VPS13B: variants seen among roughly 807,000 people sequenced by gnomAD.
The protein encoded by VPS13B is vacuolar protein sorting 13 homolog B, also known as intermembrane lipid transfer protein VPS13B.
In VPS13B, 285 loss-of-function variants were observed where a neutral mutation model predicts 426.4. That is an observed-to-expected ratio of 0.67 (90% CI 0.61 to 0.74). The LOEUF is 0.74. Ranked by LOEUF, VPS13B falls within the 30% of genes least tolerant of loss-of-function variation. VPS13B has a pLI of 0.00. For missense variants in VPS13B, 4,537 were observed against 4,782.6 expected (o/e 0.95, Z 1.51); for synonymous variants, 1,676 against 1,676.4 (o/e 1.00, Z 0.01).
At chr8:99,807,677 TTGTGTGTGTG>T (rs144674961) in intron 43 of VPS13B, among the ~76,000 whole-genome samples, 8 of 146,190 alleles carry the variant, frequency 5.5e-5, no homozygotes, top group Admixed American at 2.7e-4. Flanking sequence ...CAGGGTGTGT[TTGTGTGTGTG>T]TGTGTGTGTG....
intron 44 of VPS13B, among the ~76,000 whole-genome samples, chr8:99,816,015 A>G (rs1295649378): frequency 2.6e-5 from 4 of 151,832 alleles, no homozygotes; most frequent in Admixed American, 1.3e-4. Flanking sequence ...AATTTTTTGT[A>G]TAGATGGGAT....
At chr8:99,182,072 A>C (rs571354842) in intron 16 of VPS13B, among the ~76,000 whole-genome samples, 2 of 152,352 alleles carry the variant, frequency 1.3e-5, no homozygotes, top group East Asian at 3.9e-4. Flanking sequence ...AACCACGTTG[A>C]GAATGATCAT....
intron 17 of VPS13B, among the ~76,000 whole-genome samples, chr8:99,231,224 T>A (rs1451946511): frequency 6.6e-6 from 1 of 152,214 alleles, no homozygotes; most frequent in East Asian, 1.9e-4. Context: ...GTTCAAATAT[T>A]AGGTCAGGAG....
chr8:99,835,023 A>T (rs1012341713), intron 52 of VPS13B, among the ~76,000 whole-genome samples, 174 bp from the exon 53 acceptor site: 1 of 152,222 alleles, frequency 6.6e-6, no homozygotes, highest in Non-Finnish European at 1.5e-5. Context: ...ATTTTTTCAC[A>T]TTTTATGAAT....
intron 21 of VPS13B, among the ~76,000 whole-genome samples, chr8:99,411,310 C>T (rs1815649301): frequency 6.6e-6 from 1 of 152,158 alleles, no homozygotes; most frequent in Non-Finnish European, 1.5e-5. Flanking sequence ...CTCTAATGAC[C>T]AGTGATGATG....
chr8:99,013,896 A>G lies in VPS13B; in HGVS notation c.108A>G (p.Val36=). 6.2e-7 allele frequency: 1 copy of G among 1,614,148 alleles called. No homozygotes were observed. The highest frequency in any genetic ancestry group is 1.3e-5 in the African/African-American group (1 of 75,046). Residue 36 remains valine, a synonymous_variant, in exon 2 of 62, where the codon GTA becomes GTG. Coordinates refer to ENST00000357162, the MANE Select transcript of VPS13B (RefSeq NM_152564.5). Reference sequence around the variant, plus strand: ...TTTCACTATGGGGTGGAGACGTGGTACTCAGCAAGCTCGAGTTAAAGTTGG... The same window carrying G: ...TTTCACTATGGGGTGGAGACGTGGTGCTCAGCAAGCTCGAGTTAAAGTTGG... ...LQLSLWGGDV[V]LSKLELKLDV...
chr8:99,715,173 TA>T (rs1224710067), intron 36 of VPS13B, among the ~76,000 whole-genome samples: 1 of 152,030 alleles, frequency 6.6e-6, no homozygotes, highest in Non-Finnish European at 1.5e-5. Context: ...GTTACAGTGG[TA>T]AAAAACGAAA....
intron 3 of VPS13B, among the ~76,000 whole-genome samples, chr8:99,053,001 T>G (rs1303608235): frequency 6.6e-6 from 1 of 152,112 alleles, no homozygotes; most frequent in Non-Finnish European, 1.5e-5. Flanking sequence ...TTCATTGATT[T>G]TTTGAAGGGT....
intron 25 of VPS13B, among the ~76,000 whole-genome samples, chr8:99,494,458 C>T (rs1470466748): frequency 6.6e-6 from 1 of 151,932 alleles, no homozygotes; most frequent in African/African-American, 2.4e-5. Context: ...ATTTTAGATG[C>T]TATTGTAAAG....
intron 3 of VPS13B, among the ~76,000 whole-genome samples, chr8:99,061,441 C>T (rs1844185762): frequency 6.6e-6 from 1 of 151,534 alleles, no homozygotes; most frequent in African/African-American, 2.4e-5. Context: ...TGGGGTCTTA[C>T]TAGTCTGACA....
chr8:99,076,964 G>A (rs1845159947), intron 3 of VPS13B, among the ~76,000 whole-genome samples: 1 of 151,818 alleles, frequency 6.6e-6, no homozygotes, highest in Non-Finnish European at 1.5e-5. Flanking sequence ...GTGGTTTCGT[G>A]TTTTTCTGTA....
chr8:99,111,679 G>T (rs1346398157), intron 6 of VPS13B, among the ~76,000 whole-genome samples: 11 of 151,996 alleles, frequency 7.2e-5, no homozygotes, highest in Non-Finnish European at 1.0e-4. Flanking sequence ...CTCTTTACTA[G>T]GTGACTTCGT....
chr8:99,338,513 A>G (rs1811056254), intron 19 of VPS13B, among the ~76,000 whole-genome samples: 1 of 152,110 alleles, frequency 6.6e-6, no homozygotes. Flanking sequence ...ATAAGATGTG[A>G]CTTCTAAGAA....
chr8:99,729,073 C>A (rs1024396303), intron 39 of VPS13B, among the ~76,000 whole-genome samples: 1 of 152,128 alleles, frequency 6.6e-6, no homozygotes, highest in Non-Finnish European at 1.5e-5. Context: ...GATCCACATT[C>A]GTAATTTACC....
chr8:99,271,954 A>G (rs1818631799), intron 17 of VPS13B, among the ~76,000 whole-genome samples: 3 of 152,194 alleles, frequency 2.0e-5, no homozygotes, highest in Non-Finnish European at 4.4e-5. Context: ...GGGACAAGGT[A>G]TTTCTCAGGA....
intron 15 of VPS13B, among the ~76,000 whole-genome samples, chr8:99,162,932 G>A (rs1295715901): frequency 6.6e-6 from 1 of 152,130 alleles, no homozygotes; most frequent in Non-Finnish European, 1.5e-5. Context: ...GCGCTGATTG[G>A]TGCGTTTACA....
chr8:99,738,112 T>A (rs1487777701), intron 39 of VPS13B, among the ~76,000 whole-genome samples: 7 of 152,244 alleles, frequency 4.6e-5, no homozygotes, highest in Non-Finnish European at 1.5e-5. Flanking sequence ...TTCATTTTAT[T>A]GCAGTGATCT....
At chr8:99,802,588 T>G (rs1037226852) in intron 43 of VPS13B, among the ~76,000 whole-genome samples, 5 of 152,210 alleles carry the variant, frequency 3.3e-5, no homozygotes, top group Non-Finnish European at 7.3e-5. Flanking sequence ...CCTATAACCC[T>G]AAAATAACCA....
intron 15 of VPS13B, among the ~76,000 whole-genome samples, chr8:99,166,035 A>G (rs1285198797): frequency 6.6e-6 from 1 of 152,210 alleles, no homozygotes; most frequent in East Asian, 1.9e-4. Context: ...GCTGGAGTGC[A>G]ATGGCACGAT....
Sources: allele counts gnomAD v4.1 joint callset (sites outside exome capture counted in the v4.1 genomes callset), GRCh38; gene constraint gnomAD v4.1.1; transcripts MANE v1.5; gene names NCBI Gene and HGNC (gene_info 2026-07-23, HGNC 2026-07-21).